Variants in RNGTT observed in about 807,000 individuals in gnomAD.
RNGTT encodes mRNA-capping enzyme.
A neutral mutation model predicts 79.3 loss-of-function variants in RNGTT; 33 were observed. That is an observed-to-expected ratio of 0.42 (90% confidence interval 0.32 to 0.56). RNGTT has a LOEUF of 0.56. Among genes scored for constraint, RNGTT ranks in the 20% least tolerant of loss-of-function variants. The probability of loss-of-function intolerance (pLI) is 0.17; values close to 1 mark genes in which losing one functional copy is unlikely to be tolerated. For synonymous variants in RNGTT, 222 were observed against 235.9 expected (o/e 0.94, Z 0.54); for missense variants, 497 against 739.1 (o/e 0.67, Z 3.80).
At chr6:88,678,628 A>G (rs1774975253) in intron 13 of RNGTT, among the ~76,000 whole-genome samples, 1 of 152,132 alleles carries the variant, frequency 6.6e-6, no homozygotes, top group Non-Finnish European at 1.5e-5. Flanking sequence ...TATTTCAGAA[A>G]ATAATGGGAG....
chr6:88,771,477 AAGT>A (rs1778681634), intron 12 of RNGTT, among the ~76,000 whole-genome samples: 7 of 151,606 alleles, frequency 4.6e-5, no homozygotes, highest in Admixed American at 1.3e-4. Flanking sequence ...CAGGCTGTGT[AAGT>A]CCTCAGACTT....
At chr6:88,929,358 C>T in intron 2 of RNGTT, 91 bp from the exon 3 acceptor site, 1 of 754,470 alleles carries the variant, frequency 1.3e-6, no homozygotes, top group South Asian at 1.7e-5. Flanking sequence ...ACAGTTCATT[C>T]ATTTACATTG....
chr6:88,676,785 G>T (rs1774892155), intron 14 of RNGTT, among the ~76,000 whole-genome samples: 1 of 152,066 alleles, frequency 6.6e-6, no homozygotes, highest in South Asian at 2.1e-4. Flanking sequence ...CACTAGAGAA[G>T]ATATGAACAT....
chr6:88,688,576 T>C (rs1323212804), intron 13 of RNGTT, among the ~76,000 whole-genome samples: 1 of 152,334 alleles, frequency 6.6e-6, no homozygotes. Context: ...TAACATCTTA[T>C]GGTACTAGAA....
intron 13 of RNGTT, among the ~76,000 whole-genome samples, chr6:88,759,857 T>A (rs1300900508): frequency 6.8e-6 from 1 of 146,198 alleles, no homozygotes; most frequent in Non-Finnish European, 1.5e-5. Context: ...GTTACTTCAT[T>A]TTCCCCCCCA....
intron 11 of RNGTT, among the ~76,000 whole-genome samples, chr6:88,843,845 C>T (rs998046941): frequency 6.6e-6 from 1 of 150,760 alleles, no homozygotes; most frequent in Non-Finnish European, 1.5e-5. Flanking sequence ...CATGAGCCAC[C>T]GAGCCTGGCC....
chr6:88,755,440 A>G (rs1223943110), intron 13 of RNGTT, among the ~76,000 whole-genome samples: 1 of 152,116 alleles, frequency 6.6e-6, no homozygotes, highest in Non-Finnish European at 1.5e-5. Flanking sequence ...TGTCTGTAAG[A>G]GAAATTCATA....
intron 4 of RNGTT, among the ~76,000 whole-genome samples, chr6:88,916,282 G>A (rs1029680896): frequency 2.0e-5 from 3 of 152,126 alleles, no homozygotes; most frequent in African/African-American, 7.2e-5. Context: ...GGACCAGCCT[G>A]GGCAACATGG....
At chr6:88,831,463 A>G (rs1307918628) in intron 11 of RNGTT, among the ~76,000 whole-genome samples, 1 of 152,210 alleles carries the variant, frequency 6.6e-6, no homozygotes, top group Non-Finnish European at 1.5e-5. Context: ...GCTATTTATG[A>G]CAAACCCACA....
At chr6:88,932,680 A>G (rs1157652276) in intron 2 of RNGTT, among the ~76,000 whole-genome samples, 2 of 152,180 alleles carry the variant, frequency 1.3e-5, no homozygotes, top group Non-Finnish European at 2.9e-5. Context: ...CCAACAGATT[A>G]TAGCCAATTT....
At chr6:88,903,884 C>T (rs1783556013) in intron 6 of RNGTT, among the ~76,000 whole-genome samples, 1 of 152,316 alleles carries the variant, frequency 6.6e-6, no homozygotes, top group East Asian at 1.9e-4. Flanking sequence ...TTCCTCTCAA[C>T]AGTTCCCCTA....
chr6:88,944,841 T>C (rs902751164), intron 1 of RNGTT, among the ~76,000 whole-genome samples: 4 of 152,216 alleles, frequency 2.6e-5, no homozygotes, highest in Non-Finnish European at 5.9e-5. Context: ...CAAATCAGGA[T>C]TCTCCTCCTG....
chr6:88,652,763 C>A (rs905171323), intron 14 of RNGTT, among the ~76,000 whole-genome samples: 1 of 152,118 alleles, frequency 6.6e-6, no homozygotes, highest in Non-Finnish European at 1.5e-5. Flanking sequence ...AAGCGCAGGT[C>A]TGGAGCTTTC....
chr6:88,717,565 G>C (rs1776561713), intron 13 of RNGTT, among the ~76,000 whole-genome samples: 1 of 152,110 alleles, frequency 6.6e-6, no homozygotes, highest in Non-Finnish European at 1.5e-5. Flanking sequence ...TCTGACAAGG[G>C]AGCTCAGGAT....
intron 12 of RNGTT, among the ~76,000 whole-genome samples, chr6:88,771,097 AT>A (rs969373819): frequency 1.6e-4 from 24 of 151,512 alleles, no homozygotes; most frequent in African/African-American, 5.8e-4. Flanking sequence ...AAAGTTCTTT[AT>A]TTTAGTAATG....
intron 13 of RNGTT, among the ~76,000 whole-genome samples, chr6:88,757,664 T>C (rs1487392841): frequency 6.6e-6 from 1 of 152,188 alleles, no homozygotes; most frequent in Non-Finnish European, 1.5e-5. Context: ...ATTAACAAAA[T>C]GTTTTCAAAA....
At chr6:88,730,303 C>A (rs545759175) in intron 13 of RNGTT, among the ~76,000 whole-genome samples, 2 of 152,154 alleles carry the variant, frequency 1.3e-5, no homozygotes, top group Non-Finnish European at 2.9e-5. Flanking sequence ...ATTTTTCCCG[C>A]CAAACCACTC....
chr6:88,777,398 G>C (rs1004499276), intron 12 of RNGTT, among the ~76,000 whole-genome samples: 1 of 152,118 alleles, frequency 6.6e-6, no homozygotes, highest in Non-Finnish European at 1.5e-5. Flanking sequence ...TTGGTATTTG[G>C]ATAGGGATTG....
At chr6:88,936,385 C>A (rs1440457677) in intron 2 of RNGTT, among the ~76,000 whole-genome samples, 1 of 152,200 alleles carries the variant, frequency 6.6e-6, no homozygotes, top group Non-Finnish European at 1.5e-5. Flanking sequence ...ATTTCTTTCT[C>A]TTGCCTGGCT....
Sources: gnomAD v4.1 joint callset for allele counts (sites outside exome capture counted in the v4.1 genomes callset) on GRCh38, gnomAD v4.1.1 for gene constraint, MANE v1.5 for transcripts, NCBI Gene and HGNC (gene_info 2026-07-23, HGNC 2026-07-21) for gene names.